The following ST3GAL3 variants were observed in gnomAD, a reference collection of about 807,000 sequenced individuals.
The protein encoded by ST3GAL3 is ST3 beta-galactoside alpha-2,3-sialyltransferase 3.
A neutral mutation model predicts 50.1 loss-of-function variants in ST3GAL3; 21 were observed. That is an observed-to-expected ratio of 0.42 (90% CI 0.30 to 0.60). The LOEUF (loss-of-function observed/expected upper bound fraction) is 0.60. Among genes scored for constraint, ST3GAL3 ranks in the 20% least tolerant of loss-of-function variants. ST3GAL3 has a pLI of 0.19. For synonymous variants in ST3GAL3, 183 were observed against 190.0 expected (o/e 0.96, Z 0.30); for missense variants, 353 against 489.4 (o/e 0.72, Z 2.63).
chr1:43,857,735 C>T (rs1244093959), intron 5 of ST3GAL3, among the ~76,000 whole-genome samples: 1 of 151,892 alleles, frequency 6.6e-6, no homozygotes, highest in Non-Finnish European at 1.5e-5. Context: ...CCTGTCTCAG[C>T]CTCCCAAGTA....
intron 5 of ST3GAL3, among the ~76,000 whole-genome samples, chr1:43,865,221 T>C (rs140181143): frequency 0.019 from 2,902 of 152,162 alleles, 39 homozygotes; most frequent in African/African-American, 0.028. Flanking sequence ...GGTTTCACCA[T>C]GTTAGCCAGG....
chr1:43,722,717 T>G (rs1343700412), intron 1 of ST3GAL3, among the ~76,000 whole-genome samples: 1 of 152,128 alleles, frequency 6.6e-6, no homozygotes, highest in Non-Finnish European at 1.5e-5. Flanking sequence ...GAGTCTAGTG[T>G]CAAGGCTAAT....
At chr1:43,719,380 G>A (rs1369424395) in intron 1 of ST3GAL3, among the ~76,000 whole-genome samples, 1 of 151,916 alleles carries the variant, frequency 6.6e-6, no homozygotes, top group Non-Finnish European at 1.5e-5. Flanking sequence ...GGTGGCTTGG[G>A]GCCAGGCACG....
At chr1:43,739,399 G>C (rs1679869461) in intron 2 of ST3GAL3, 1 of 152,056 alleles carries the variant, frequency 6.6e-6, no homozygotes, top group South Asian at 2.1e-4. Context: ...TTTTTTTGTA[G>C]AGATGGGGTT....
chr1:43,766,766 AG>A (rs1693198065), intron 2 of ST3GAL3, among the ~76,000 whole-genome samples: 1 of 152,200 alleles, frequency 6.6e-6, no homozygotes, highest in South Asian at 2.1e-4. Context: ...TTTTGTGTGA[AG>A]GAAAATTAAC....
At chr1:43,878,185 C>T (rs1053247948) in intron 5 of ST3GAL3, among the ~76,000 whole-genome samples, 8 of 152,134 alleles carry the variant, frequency 5.3e-5, no homozygotes, top group Admixed American at 5.2e-4. Context: ...GGTCACATTG[C>T]CTTTTCGTCT....
intron 5 of ST3GAL3, among the ~76,000 whole-genome samples, chr1:43,884,381 G>A (rs1221805343): frequency 6.6e-6 from 1 of 152,200 alleles, no homozygotes; most frequent in East Asian, 1.9e-4. Context: ...TCATTCAAGT[G>A]GTCAGCAAGG....
chr1:43,917,178 C>G (rs927060321), intron 9 of ST3GAL3: 4 of 151,756 alleles, frequency 2.6e-5, no homozygotes, highest in Admixed American at 2.6e-4. Context: ...CAGACTACCA[C>G]TAGCACCAAG....
At chr1:43,765,794 CGCGCGCGTCCGCGCGT>C (rs1558203731) in intron 2 of ST3GAL3, among the ~76,000 whole-genome samples, 50 of 146,498 alleles carry the variant, frequency 3.4e-4, no homozygotes, top group African/African-American at 1.2e-3. Flanking sequence ...TGCGCGCGCG[CGCGCGCGTCCGCGCGT>C]CCGCGTGCGC....
At chr1:43,906,085 CCTCCT>C (rs1571170065) in intron 9 of ST3GAL3, among the ~76,000 whole-genome samples, 3 of 126,026 alleles carry the variant, frequency 2.4e-5, no homozygotes, top group Non-Finnish European at 5.1e-5. Flanking sequence ...TCCTCCCCCT[CCTCCT>C]GCTCCTCTTC....
intron 5 of ST3GAL3, among the ~76,000 whole-genome samples, chr1:43,857,063 A>G (rs530380706): frequency 3.9e-5 from 6 of 152,090 alleles, no homozygotes; most frequent in Non-Finnish European, 8.8e-5. Flanking sequence ...CTAGGCCTCA[A>G]CCTGCTAACT....
At chr1:43,921,385 G>A in intron 11 of ST3GAL3, 1 of 435,064 alleles carries the variant, frequency 2.3e-6, no homozygotes, top group Non-Finnish European at 4.0e-6. Flanking sequence ...CGTATGTAGG[G>A]TACATTACAG....
At chr1:43,745,836 C>A (rs1433110395) in intron 2 of ST3GAL3, among the ~76,000 whole-genome samples, 1 of 152,184 alleles carries the variant, frequency 6.6e-6, no homozygotes, top group Non-Finnish European at 1.5e-5. Context: ...GCCATGTTGG[C>A]CAGGCTGGTC....
At chr1:43,771,184 A>G (rs925373570) in intron 2 of ST3GAL3, among the ~76,000 whole-genome samples, 1 of 152,176 alleles carries the variant, frequency 6.6e-6, no homozygotes, top group South Asian at 2.1e-4. Context: ...AAACATGCTT[A>G]TTGACATGTA....
chr1:43,736,308 C>G lies in ST3GAL3; in HGVS notation c.46C>G (p.Leu16Val), dbSNP rs752160120. The change falls in exon 2 of 12, where the codon CTC becomes GTC. Residue 16 changes from leucine (L) to valine (V), a missense_variant. Physicochemically the swap from Leu to Val is conservative, Grantham distance 32. Coordinates refer to ENST00000347631, the MANE Select transcript of ST3GAL3 (RefSeq NM_006279.5). The stretch of plus-strand genomic sequence containing the variant: ...GCGCAATCTGCTGCTAGCCCTCTGC[C>G]TCTTTCTGGTACTGGGATTTTTGTA... ...FVRNLLLALCLFLVLGFLYYS... is the reference protein window; with the variant it reads ...FVRNLLLALCVFLVLGFLYYS... 1 of 1,614,130 alleles carries G rather than the reference C, an allele frequency of 6.2e-7. No individual in the cohort carries two copies. The highest frequency in any genetic ancestry group is 8.5e-7 in the Non-Finnish European group (1 of 1,180,040).
intron 5 of ST3GAL3, among the ~76,000 whole-genome samples, chr1:43,880,024 C>T (rs1388832235): frequency 2.0e-5 from 3 of 152,202 alleles, no homozygotes; most frequent in Non-Finnish European, 4.4e-5. Context: ...CTTAGCAATC[C>T]TTGTCCCTGT....
At chr1:43,720,704 T>C (rs1034637835) in intron 1 of ST3GAL3, among the ~76,000 whole-genome samples, 2 of 152,172 alleles carry the variant, frequency 1.3e-5, no homozygotes, top group African/African-American at 4.8e-5. Context: ...ACTGTTGTAT[T>C]GGAGATTAAG....
chr1:43,741,197 T>C (rs1680784245), intron 2 of ST3GAL3, among the ~76,000 whole-genome samples: 1 of 151,938 alleles, frequency 6.6e-6, no homozygotes, highest in South Asian at 2.1e-4. Flanking sequence ...AATGTGGTGG[T>C]ACATGTCTAT....
At chr1:43,814,021 A>G (rs2060940744) in intron 3 of ST3GAL3, among the ~76,000 whole-genome samples, 1 of 152,078 alleles carries the variant, frequency 6.6e-6, no homozygotes, top group South Asian at 2.1e-4. Context: ...GACACAGGAA[A>G]TTTCCCTCAA....
Sources: allele counts gnomAD v4.1 joint callset (sites outside exome capture counted in the v4.1 genomes callset), GRCh38; gene constraint gnomAD v4.1.1; transcripts MANE v1.5; gene names NCBI Gene and HGNC (gene_info 2026-07-23, HGNC 2026-07-21).